Variants in TRIM61 observed in about 807,000 individuals in gnomAD.
The protein encoded by TRIM61 is tripartite motif containing 61.
A neutral mutation model predicts 14.2 loss-of-function variants in TRIM61; 1 was observed. The ratio of observed to expected loss-of-function variants is 0.07; its 90% CI spans 0.03 to 0.33. The LOEUF (loss-of-function observed/expected upper bound fraction) is 0.33. Ranked by LOEUF, TRIM61 falls within the 10% of genes least tolerant of loss-of-function variation. The pLI, the probability that TRIM61 is intolerant of heterozygous loss-of-function variation, is 0.99. For missense variants in TRIM61, 19 were observed against 202.2 expected, an observed-to-expected ratio of 0.09 and a Z score of 5.49; for synonymous variants, 8 against 71.6, an observed-to-expected ratio of 0.11 and a Z score of 4.49.
intron 3 of TRIM61, chr4:164,958,352 T>C (rs1224309265): frequency 1.2e-5 from 2 of 167,078 alleles, no homozygotes; most frequent in Non-Finnish European, 2.9e-5. Context: ...TTTAATCTTA[T>C]GACTTGAATG....
At chr4:164,968,825 C>T in intron 3 of TRIM61, 4 of 982,630 alleles carry the variant, frequency 4.1e-6, no homozygotes, top group Non-Finnish European at 3.6e-6. Context: ...ATTATTCTGA[C>T]TAGATCGCCA....
chr4:164,968,832 G>T (rs4632609), intron 3 of TRIM61: 195,299 of 880,078 alleles, frequency 0.22, 13,608 homozygotes, highest in Admixed American at 0.32. Context: ...TGACTAGATC[G>T]CCAAATTCCC....
intron 3 of TRIM61, chr4:164,958,011 C>T (rs1022813179): frequency 1.2e-5 from 2 of 168,076 alleles, no homozygotes; most frequent in African/African-American, 4.8e-5. Flanking sequence ...AACAGCAAGT[C>T]ATAATCTTGT....
chr4:164,957,424 T>A, intron 3 of TRIM61: 1 of 1,613,990 alleles, frequency 6.2e-7, no homozygotes, highest in East Asian at 2.2e-5. Context: ...GGTCCCAGCC[T>A]CTTTTTGTGA....
In TRIM61 at chr4:164,955,099, C is replaced by CAAA. The variant is rs200797852; in HGVS notation, c.526-6_526-4dup. The CAAA allele has an allele frequency of 1.0e-4, 9 of 86,104 alleles. No individual in the cohort carries two copies. The highest frequency in any genetic ancestry group is 4.3e-4 in the East Asian group (1 of 2,352). The allele number at this position is 86,104 out of a possible 1,614,324, so 5.3% of individuals were successfully genotyped here. ...CTGGTGACAGAAGGAGACTCCATCT[C>CAAA]AAAAAAAAAAAAAAAAAAAATTATT... On this transcript the variant is annotated splice_polypyrimidine_tract_variant and splice_region_variant and intron_variant, in intron 3 of 4. Transcript: ENST00000329314.
Position 164,977,603 on chromosome 4 carries a change from A to G in TRIM61, c.-548T>C, listed in dbSNP as rs1263343269. The G allele has an allele frequency of 6.6e-6, 1 of 152,180 alleles. No homozygotes were observed. The highest frequency in any genetic ancestry group is 1.5e-5 in the Non-Finnish European group (1 of 68,082). 9.4% of individuals were successfully genotyped at this position (152,180 alleles called of 1,614,324 possible). A position where few individuals can be genotyped will look rare whatever the true frequency, so the allele number is the denominator to read the frequency against. On this transcript the variant is annotated 5_prime_UTR_variant, in exon 1 of 5. The change abolishes an upstream ATG in the 5' untranslated region. Transcript: ENST00000329314. Reference sequence around the variant, plus strand: ...ACCGAGCCCCCGCGAGGAAGGACTCATACCCCAACCCCACCAAGTGGGCTG... The same window carrying G: ...ACCGAGCCCCCGCGAGGAAGGACTCGTACCCCAACCCCACCAAGTGGGCTG...
chr4:164,968,327 AG>A (rs769886344), intron 3 of TRIM61: 1 of 963,000 alleles, frequency 1.0e-6, no homozygotes, highest in Non-Finnish European at 1.2e-6. Context: ...CAAAAGTAAT[AG>A]ATTTTCTTAC....
At chr4:164,972,166 C>G (rs1732382288) in intron 2 of TRIM61, among the ~76,000 whole-genome samples, 1 of 152,190 alleles carries the variant, frequency 6.6e-6, no homozygotes, top group South Asian at 2.1e-4. Flanking sequence ...TAAGCACTAA[C>G]ATTATTGAGA....
At chr4:164,965,205 T>C (rs564985341) in intron 3 of TRIM61, among the ~76,000 whole-genome samples, 6 of 152,164 alleles carry the variant, frequency 3.9e-5, no homozygotes, top group African/African-American at 1.2e-4. Flanking sequence ...TGAGAGTCGC[T>C]TGAATCCGGG....
chr4:164,958,967 CT>C (rs1732074067), intron 3 of TRIM61: 1 of 167,074 alleles, frequency 6.0e-6, no homozygotes, highest in South Asian at 2.1e-4. Flanking sequence ...CATACTCTAT[CT>C]TTCCCCACAA....
chr4:164,968,784 G>T (rs1732297702), intron 3 of TRIM61: 2 of 974,962 alleles, frequency 2.1e-6, no homozygotes, highest in Non-Finnish European at 2.4e-6. Context: ...TGTGGCAGCA[G>T]AATAATTTCC....
At chr4:164,957,272 T>TA in intron 3 of TRIM61, 1 of 1,614,190 alleles carries the variant, frequency 6.2e-7, no homozygotes, top group Middle Eastern at 1.6e-4. Flanking sequence ...GCGAATCGTT[T>TA]TCTCCGCGTG....
intron 3 of TRIM61, among the ~76,000 whole-genome samples, chr4:164,959,742 T>G (rs1277246285): frequency 6.6e-6 from 1 of 152,102 alleles, no homozygotes; most frequent in Non-Finnish European, 1.5e-5. Flanking sequence ...GAGTGTGAAG[T>G]CTTTAATGTA....
intron 3 of TRIM61, chr4:164,956,988 G>T (rs1380808637): frequency 6.9e-7 from 1 of 1,455,658 alleles, no homozygotes; most frequent in Non-Finnish European, 9.1e-7. Context: ...GTGGCGCGAC[G>T]TTGGAGACCG....
At chr4:164,972,399 T>C (rs1732389183) in intron 2 of TRIM61, among the ~76,000 whole-genome samples, 1 of 152,208 alleles carries the variant, frequency 6.6e-6, no homozygotes, top group South Asian at 2.1e-4. Flanking sequence ...TGTATTGCAT[T>C]TGCTTATTAG....
At chr4:164,955,620 G>GTGTTTATAT (rs1423792717) in intron 3 of TRIM61, among the ~76,000 whole-genome samples, 1 of 150,990 alleles carries the variant, frequency 6.6e-6, no homozygotes, top group Non-Finnish European at 1.5e-5. Context: ...GTCTTTATTG[G>GTGTTTATAT]TGTTTATATT....
intron 3 of TRIM61, among the ~76,000 whole-genome samples, chr4:164,960,369 T>G (rs1391325089): frequency 6.6e-6 from 1 of 150,950 alleles, no homozygotes; most frequent in African/African-American, 2.4e-5. Flanking sequence ...ATGATGAAAC[T>G]CCATCTCTAT....
intron 3 of TRIM61, chr4:164,958,117 A>C (rs529888763): frequency 4.2e-5 from 7 of 167,258 alleles, no homozygotes; most frequent in East Asian, 1.9e-4. Context: ...AGGAAGAGAA[A>C]GAGGACAAAA....
At chr4:164,960,099 A>T (rs1732100206) in intron 3 of TRIM61, among the ~76,000 whole-genome samples, 2 of 152,184 alleles carry the variant, frequency 1.3e-5, no homozygotes, top group South Asian at 4.1e-4. Flanking sequence ...CATTGGAGTG[A>T]TGCATCTACT....
Sources: allele counts gnomAD v4.1 joint callset (sites outside exome capture counted in the v4.1 genomes callset), GRCh38; gene constraint gnomAD v4.1.1; transcripts MANE v1.5; gene names NCBI Gene and HGNC (gene_info 2026-07-23, HGNC 2026-07-21).